ADGRB3: variants seen among roughly 807,000 people sequenced by gnomAD.
The protein encoded by ADGRB3 is adhesion G protein-coupled receptor B3.
Under a neutral mutation model 193.4 loss-of-function variants are expected in ADGRB3, and 37 were observed. The observed-to-expected ratio is 0.19, with a 90% confidence interval of 0.15 to 0.25. The LOEUF (loss-of-function observed/expected upper bound fraction) is 0.25. Among genes scored for constraint, ADGRB3 ranks in the 10% least tolerant of loss-of-function variants. ADGRB3 has a pLI of 1.00. For synonymous variants in ADGRB3, 690 were observed against 644.2 expected, an observed-to-expected ratio of 1.07 and a Z score of -1.08; for missense variants, 1,637 against 1,852.9, an observed-to-expected ratio of 0.88 and a Z score of 2.14.
chr6:68,990,238 A>G (rs963990841), intron 10 of ADGRB3, among the ~76,000 whole-genome samples: 3 of 152,186 alleles, frequency 2.0e-5, no homozygotes, highest in African/African-American at 7.2e-5. Flanking sequence ...TCTTCACAGT[A>G]TGCATGTGTT....
intron 13 of ADGRB3, among the ~76,000 whole-genome samples, chr6:69,024,113 TAATAA>T (rs2150289806): frequency 6.6e-6 from 1 of 152,014 alleles, no homozygotes; most frequent in Non-Finnish European, 1.5e-5. Context: ...ATCAATACAA[TAATAA>T]AATAGAAGAG....
chr6:69,094,721 A>C (rs1772820422), intron 17 of ADGRB3, among the ~76,000 whole-genome samples: 1 of 152,196 alleles, frequency 6.6e-6, no homozygotes, highest in African/African-American at 2.4e-5. Context: ...AAACTTGAAC[A>C]ATTTATATAA....
Position 68,872,026 on chromosome 6 carries a change from G to A in ADGRB3, c.758-58533G>A, listed in dbSNP as rs551887199. On this transcript the variant is annotated intron_variant, in intron 3 of 31. Transcript: ENST00000370598. ...TTTTTCATTGATATGACTGTCTTACGGTTTTTGTGATTAAGTTATAAATTA... is the reference window on the plus strand; with the variant it reads ...TTTTTCATTGATATGACTGTCTTACAGTTTTTGTGATTAAGTTATAAATTA... 1.7e-4 allele frequency among the ~76,000 whole-genome samples: 23 copies of A among 138,656 alleles called. 1 individual carries two copies. Among genetic ancestry groups the A allele is most frequent in the South Asian group, 1.4e-3 (6 of 4,234 alleles). 91.0% of individuals were successfully genotyped at this position (138,656 alleles called of 152,430 possible).
chr6:68,872,333 ATAGC>A (rs1765484795), intron 3 of ADGRB3, among the ~76,000 whole-genome samples: 4 of 152,282 alleles, frequency 2.6e-5, no homozygotes, highest in Non-Finnish European at 5.9e-5. Flanking sequence ...ACATAATGCA[ATAGC>A]TAAGTTTTTA....
chr6:68,814,052 A>C, intron 3 of ADGRB3, among the ~76,000 whole-genome samples: 1 of 152,292 alleles, frequency 6.6e-6, no homozygotes, highest in East Asian at 1.9e-4. Context: ...CATGATTTAT[A>C]ATCCTTTGGG....
intron 3 of ADGRB3, among the ~76,000 whole-genome samples, chr6:68,845,927 C>A (rs1768264727): frequency 6.6e-6 from 1 of 152,094 alleles, no homozygotes; most frequent in African/African-American, 2.4e-5. Context: ...TTCGAGGGCT[C>A]AGAAGAAGAC....
intron 10 of ADGRB3, among the ~76,000 whole-genome samples, chr6:68,986,170 A>G (rs537678814): frequency 1.3e-5 from 2 of 152,264 alleles, no homozygotes; most frequent in East Asian, 1.9e-4. Flanking sequence ...ACAGCAAAAT[A>G]TGCACAGTTT....
At chr6:69,332,185 T>C (rs1768745422) in intron 23 of ADGRB3, 1 of 985,408 alleles carries the variant, frequency 1.0e-6, no homozygotes, top group African/African-American at 1.7e-5. Context: ...TAGACATCTA[T>C]GCAGTTTTTA....
At chr6:69,297,414 A>G (rs9363993) in intron 20 of ADGRB3, among the ~76,000 whole-genome samples, 2 of 128,472 alleles carry the variant, frequency 1.6e-5, no homozygotes, top group African/African-American at 6.4e-5. Flanking sequence ...CTCTCTCTAT[A>G]TATATATATA....
intron 17 of ADGRB3, among the ~76,000 whole-genome samples, chr6:69,098,685 C>A (rs955729919): frequency 2.1e-4 from 32 of 152,286 alleles, no homozygotes; most frequent in South Asian, 1.0e-3. Flanking sequence ...TCCAATTCGA[C>A]ATGAGATTTG....
intron 3 of ADGRB3, among the ~76,000 whole-genome samples, chr6:68,922,328 G>T (rs189537100): frequency 6.6e-6 from 1 of 152,294 alleles, no homozygotes; most frequent in East Asian, 1.9e-4. Context: ...TCATGTGGAT[G>T]CCAGCTACAG....
At chr6:69,064,837 A>C (rs1771854474) in intron 16 of ADGRB3, among the ~76,000 whole-genome samples, 1 of 152,134 alleles carries the variant, frequency 6.6e-6, no homozygotes, top group Non-Finnish European at 1.5e-5. Context: ...GTAGTCTCAA[A>C]AATAGTGTTG....
intron 3 of ADGRB3, among the ~76,000 whole-genome samples, chr6:68,859,997 T>C (rs145170247): frequency 9.1e-4 from 138 of 152,282 alleles, no homozygotes; most frequent in African/African-American, 3.3e-3. Context: ...TAACTATAGG[T>C]ATTTTATGAA....
At chr6:68,780,732 G>T (rs1766836633) in intron 3 of ADGRB3, among the ~76,000 whole-genome samples, 1 of 152,070 alleles carries the variant, frequency 6.6e-6, no homozygotes, top group African/African-American at 2.4e-5. Context: ...TTATCCAGAA[G>T]TTGTAAAAAT....
chr6:69,184,631 C>T (rs184634937), intron 17 of ADGRB3, among the ~76,000 whole-genome samples: 88 of 151,990 alleles, frequency 5.8e-4, no homozygotes, highest in African/African-American at 2.0e-3. Flanking sequence ...AGAAATTGGA[C>T]TTTTTAGAGA....
At chr6:68,689,508 T>A (rs1765036294) in intron 3 of ADGRB3, among the ~76,000 whole-genome samples, 1 of 152,154 alleles carries the variant, frequency 6.6e-6, no homozygotes, top group Non-Finnish European at 1.5e-5. Context: ...TCTAGAATAA[T>A]GTAGATTACT....
intron 6 of ADGRB3, among the ~76,000 whole-genome samples, chr6:68,948,003 TG>T (rs1440627497): frequency 6.6e-6 from 1 of 152,128 alleles, no homozygotes; most frequent in Non-Finnish European, 1.5e-5. Context: ...TTAAGTGATT[TG>T]GCAGAGGGTT....
At chr6:69,075,818 C>T (rs997271398) in intron 16 of ADGRB3, among the ~76,000 whole-genome samples, 177 bp from the exon 17 acceptor site, 11 of 151,938 alleles carry the variant, frequency 7.2e-5, no homozygotes, top group African/African-American at 2.7e-4. Context: ...TAAAATGAGT[C>T]ACTAAATCTA....
Position 68,829,175 on chromosome 6 carries a change from C to T in ADGRB3, c.758-101384C>T, listed in dbSNP as rs1468139575. ...AGTGTAGTGGCACAATCTCGGCTCA[C>T]TGAAACCTCTGCCTCCTGGATTCAA... On this transcript the variant is annotated intron_variant, in intron 3 of 31. Coordinates refer to ENST00000370598, the MANE Select transcript of ADGRB3 (RefSeq NM_001704.3). 5.8e-5 allele frequency among the ~76,000 whole-genome samples: 8 copies of T among 137,562 alleles called. No individual in the cohort carries two copies. The Admixed American group carries it at 6.5e-4, about 11-fold the overall frequency. 90.2% of individuals were successfully genotyped at this position (137,562 alleles called of 152,430 possible). A position where few individuals can be genotyped will look rare whatever the true frequency, so the allele number is the denominator to read the frequency against.
Sources: gnomAD v4.1 joint callset for allele counts (sites outside exome capture counted in the v4.1 genomes callset) on GRCh38, gnomAD v4.1.1 for gene constraint, MANE v1.5 for transcripts, NCBI Gene and HGNC (gene_info 2026-07-23, HGNC 2026-07-21) for gene names.